NEO1: variants seen among roughly 807,000 people sequenced by gnomAD.
The protein encoded by NEO1 is neogenin.
A neutral mutation model predicts 159.7 loss-of-function variants in NEO1; 63 were observed. That is an observed-to-expected ratio of 0.39 (90% CI 0.32 to 0.49). The LOEUF is 0.49. NEO1 is among the 20% of genes least tolerant of loss of function. The pLI is 0.85. For synonymous variants in NEO1, 633 were observed against 662.0 expected, an observed-to-expected ratio of 0.96 and a Z score of 0.67; for missense variants, 1,615 against 1,831.0, an observed-to-expected ratio of 0.88 and a Z score of 2.15.
intron 2 of NEO1, among the ~76,000 whole-genome samples, chr15:73,121,918 C>T (rs554889043): frequency 7.9e-5 from 12 of 151,744 alleles, no homozygotes; most frequent in Non-Finnish European, 1.6e-4. Context: ...TTCTCTCCTT[C>T]TGCACTCTTA....
In NEO1 at chr15:73,273,986, C is replaced by A; in HGVS notation, c.3141C>A (p.Val1047=). ...SKGMGPMSEA[V]QFRTPKADSS... is the part of the protein sequence containing the mutation. ...GCATGGGACCCATGTCTGAAGCTGT[C>A]CAATTCAGAACACCTAAAGGTAATG... Residue 1047 remains valine, a synonymous_variant, in exon 20 of 29, where the codon GTC becomes GTA. Coordinates refer to ENST00000261908, the MANE Select transcript of NEO1 (RefSeq NM_002499.4). 2 of 1,613,874 alleles carry A rather than the reference C, an allele frequency of 1.2e-6. No individual in the cohort carries two copies. Among genetic ancestry groups the A allele is most frequent in the Non-Finnish European group, 1.7e-6 (2 of 1,179,868 alleles).
intron 11 of NEO1, among the ~76,000 whole-genome samples, chr15:73,252,631 G>A (rs1171372059): frequency 6.6e-6 from 1 of 152,174 alleles, no homozygotes; most frequent in East Asian, 1.9e-4. Flanking sequence ...TCATTACCCA[G>A]TTCAGTCACT....
chr15:73,270,546 G>A (rs1157897826), intron 18 of NEO1, 92 bp downstream of exon 18: 1 of 1,357,570 alleles, frequency 7.4e-7, no homozygotes, highest in Non-Finnish European at 9.9e-7. Context: ...AAAACACAGT[G>A]AGCAACTACA....
intron 1 of NEO1, among the ~76,000 whole-genome samples, chr15:73,113,324 ACCATTGGAAGTTTT>A (rs1261412978): frequency 6.6e-6 from 1 of 152,174 alleles, no homozygotes; most frequent in Admixed American, 6.6e-5. Context: ...TAATACTTTA[ACCATTGGAAGTTTT>A]TAGAAGTTAT....
At chr15:73,178,262 TTATC>T (rs1482514843) in intron 6 of NEO1, 41 bp from the exon 7 acceptor site, 8 of 1,565,338 alleles carry the variant, frequency 5.1e-6, no homozygotes, top group Non-Finnish European at 7.0e-6. Flanking sequence ...GATCTGGTAT[TTATC>T]AATTAAATTA....
At chr15:73,123,834 A>G (rs1374871260) in intron 3 of NEO1, among the ~76,000 whole-genome samples, 1 of 152,158 alleles carries the variant, frequency 6.6e-6, no homozygotes, top group East Asian at 1.9e-4. Flanking sequence ...GGGAAGAGTT[A>G]TATGTCTATT....
intron 4 of NEO1, among the ~76,000 whole-genome samples, chr15:73,131,335 A>G (rs1285833137): frequency 6.6e-6 from 1 of 152,276 alleles, no homozygotes; most frequent in Admixed American, 6.5e-5. Flanking sequence ...ATGAAAAAGT[A>G]GAAATCTCAA....
At chr15:73,219,251 C>T (rs1305791311) in intron 7 of NEO1, among the ~76,000 whole-genome samples, 1 of 151,606 alleles carries the variant, frequency 6.6e-6, no homozygotes, top group East Asian at 1.9e-4. Flanking sequence ...GATTCTTAAT[C>T]CTGAGTTCTA....
At chr15:73,062,299 A>T (rs2068017357) in intron 1 of NEO1, among the ~76,000 whole-genome samples, 1 of 152,204 alleles carries the variant, frequency 6.6e-6, no homozygotes, top group Non-Finnish European at 1.5e-5. Context: ...TTGATGGTTT[A>T]TATTGTTTCT....
At chr15:73,136,985 C>T (rs1167254959) in intron 5 of NEO1, among the ~76,000 whole-genome samples, 4 of 152,092 alleles carry the variant, frequency 2.6e-5, no homozygotes, top group Non-Finnish European at 5.9e-5. Context: ...TGAGGAATGC[C>T]CCACAAATTG....
chr15:73,218,196 G>A (rs2150736383), intron 7 of NEO1, among the ~76,000 whole-genome samples: 1 of 152,152 alleles, frequency 6.6e-6, no homozygotes, highest in African/African-American at 2.4e-5. Flanking sequence ...TGTGGTTTTT[G>A]TCTTTGGTTC....
chr15:73,059,491 G>A (rs745949427), intron 1 of NEO1, among the ~76,000 whole-genome samples: 5 of 152,106 alleles, frequency 3.3e-5, no homozygotes, highest in African/African-American at 4.8e-5. Context: ...GGTTGCAAAC[G>A]TTTATCTTTG....
chr15:73,109,969 C>G (rs1369927539), intron 1 of NEO1, among the ~76,000 whole-genome samples: 1 of 152,140 alleles, frequency 6.6e-6, no homozygotes, highest in African/African-American at 2.4e-5. Flanking sequence ...CTAACTGTTA[C>G]GTAGCAAAGC....
intron 25 of NEO1, among the ~76,000 whole-genome samples, chr15:73,289,811 A>G (rs1387984477): frequency 2.0e-5 from 3 of 152,116 alleles, no homozygotes; most frequent in Admixed American, 6.5e-5. Context: ...TTAGCCAGGT[A>G]TGGTGGTACA....
At chr15:73,266,208 A>C in intron 15 of NEO1, 108 bp from the exon 16 acceptor site, 1 of 778,756 alleles carries the variant, frequency 1.3e-6, no homozygotes, top group South Asian at 2.3e-5. Context: ...AAAATTTTTA[A>C]AGTTGTCTTT....
rs2042288222 is a variant in NEO1 at position 73,294,697 on chromosome 15, AC to A, written c.3901+1152del. ...TGGGATTACAGGCACACACCACCAC[AC>A]CCAGCTGATTTTTGTATTCTTAGTA... On this transcript the variant is annotated intron_variant, in intron 26 of 28. Coordinates refer to ENST00000261908, the MANE Select transcript of NEO1 (RefSeq NM_002499.4). 4.0e-5 allele frequency among the ~76,000 whole-genome samples: 6 copies of A among 151,732 alleles called. No individual in the cohort carries two copies. In the South Asian group the frequency reaches 1.3e-3, roughly 32 times the overall value.
Position 73,258,887 on chromosome 15 carries a change from C to T in NEO1, c.2203+11C>T. Reference sequence around the variant, plus strand: ...AAAGTGACCTAGATGGTAAGAATAACAATTGGCAAGACTGGAACACAATAG... The same window carrying T: ...AAAGTGACCTAGATGGTAAGAATAATAATTGGCAAGACTGGAACACAATAG... On this transcript the variant is annotated intron_variant, in intron 14 of 28. Transcript: ENST00000261908. 6.2e-7 allele frequency: 1 copy of T among 1,607,034 alleles called. No homozygotes were observed. Among genetic ancestry groups the T allele is most frequent in the Non-Finnish European group, 8.5e-7 (1 of 1,173,806 alleles).
At chr15:73,111,592 ATATT>A (rs769214653) in intron 1 of NEO1, among the ~76,000 whole-genome samples, 6 of 151,976 alleles carry the variant, frequency 3.9e-5, no homozygotes, top group African/African-American at 1.4e-4. Context: ...TAAAGGTATA[ATATT>A]TATTTATTTA....
At chr15:73,232,350 C>T (rs1220652901) in intron 7 of NEO1, among the ~76,000 whole-genome samples, 1 of 151,812 alleles carries the variant, frequency 6.6e-6, no homozygotes, top group Admixed American at 6.6e-5. Context: ...TAGATTTTGC[C>T]CTGTGTCTGT....
Sources: gnomAD v4.1 joint callset for allele counts (sites outside exome capture counted in the v4.1 genomes callset) on GRCh38, gnomAD v4.1.1 for gene constraint, MANE v1.5 for transcripts, NCBI Gene and HGNC (gene_info 2026-07-23, HGNC 2026-07-21) for gene names.